NXPH2: variants seen among roughly 807,000 people sequenced by gnomAD.
NXPH2 encodes the protein neurexophilin-2.
Under a neutral mutation model 19.8 loss-of-function variants are expected in NXPH2, and 5 were observed. That is an observed-to-expected ratio of 0.25 (90% CI 0.13 to 0.53). The LOEUF is 0.53. Ranked by LOEUF, NXPH2 falls within the 20% of genes least tolerant of loss-of-function variation. The pLI, the probability that NXPH2 is intolerant of heterozygous loss-of-function variation, is 0.96. For synonymous variants in NXPH2, 154 were observed against 127.4 expected, an observed-to-expected ratio of 1.21 and a Z score of -1.41; for missense variants, 289 against 322.8, an observed-to-expected ratio of 0.90 and a Z score of 0.80.
intron 1 of NXPH2, among the ~76,000 whole-genome samples, chr2:138,676,743 G>A (rs1302038462): frequency 2.0e-5 from 3 of 152,158 alleles, no homozygotes; most frequent in South Asian, 2.1e-4. Context: ...CTCAAGAAGT[G>A]TCTCCAAAGG....
intron 1 of NXPH2, among the ~76,000 whole-genome samples, chr2:138,690,924 G>T (rs531345480): frequency 7.9e-5 from 12 of 152,336 alleles, no homozygotes; most frequent in Non-Finnish European, 1.2e-4. Flanking sequence ...GGACCCTTTA[G>T]ATTGGGTGGC....
chr2:138,683,884 A>G (rs6736048), intron 1 of NXPH2, among the ~76,000 whole-genome samples: 9,541 of 152,254 alleles, frequency 0.063, 603 homozygotes, highest in African/African-American at 0.16. Context: ...AAATGTAAAT[A>G]TTCACAGTGT....
At position 138,686,046 on chromosome 2, in the gene NXPH2, G is replaced by C. The variant is rs545184991; in HGVS notation, c.52-14381C>G. On this transcript the variant is annotated intron_variant, in intron 1 of 1. Coordinates refer to ENST00000272641, the MANE Select transcript of NXPH2 (RefSeq NM_007226.3). ...ATTGAAAAAATAAATCTGACTGGAA[G>C]TGTGTAACTGCCTGGACCTCTCACA... Among the ~76,000 whole-genome samples, 223 of 152,252 alleles carry C rather than the reference G, an allele frequency of 1.5e-3. 1 individual carries two copies. Among genetic ancestry groups the C allele is most frequent in the Admixed American group, 6.9e-3 (105 of 15,292 alleles).
chr2:138,777,928 T>A (rs1448215387), intron 1 of NXPH2, among the ~76,000 whole-genome samples: 1 of 150,834 alleles, frequency 6.6e-6, no homozygotes, highest in Non-Finnish European at 1.5e-5. Context: ...GTTTCATATC[T>A]AGAAAATATT....
At chr2:138,702,343 A>T (rs1680937229) in intron 1 of NXPH2, among the ~76,000 whole-genome samples, 1 of 151,564 alleles carries the variant, frequency 6.6e-6, no homozygotes, top group South Asian at 2.1e-4. Flanking sequence ...CTAGTCTTGA[A>T]CTCTTGGCCC....
chr2:138,759,411 A>G (rs1681966406), intron 1 of NXPH2, among the ~76,000 whole-genome samples: 1 of 151,908 alleles, frequency 6.6e-6, no homozygotes, highest in Non-Finnish European at 1.5e-5. Flanking sequence ...GCTTGGTCCA[A>G]GAGAGAGGTA....
intron 1 of NXPH2, among the ~76,000 whole-genome samples, chr2:138,772,447 C>T (rs962288180): frequency 3.3e-5 from 5 of 152,152 alleles, no homozygotes; most frequent in African/African-American, 1.2e-4. Flanking sequence ...CAGGCATGCG[C>T]CACCACGCCT....
intron 1 of NXPH2, among the ~76,000 whole-genome samples, chr2:138,734,563 T>C (rs920120456): frequency 2.0e-5 from 3 of 152,128 alleles, no homozygotes; most frequent in African/African-American, 4.8e-5. Context: ...GAATACCTCC[T>C]TGTAGAAGGA....
At chr2:138,706,830 G>A (rs551591755) in intron 1 of NXPH2, among the ~76,000 whole-genome samples, 1 of 151,848 alleles carries the variant, frequency 6.6e-6, no homozygotes, top group Non-Finnish European at 1.5e-5. Context: ...TTGAGCCCAG[G>A]TGGATGAGGC....
At chr2:138,703,771 G>T (rs1429604118) in intron 1 of NXPH2, among the ~76,000 whole-genome samples, 1 of 152,166 alleles carries the variant, frequency 6.6e-6, no homozygotes, top group Admixed American at 6.5e-5. Context: ...ATGTAATACA[G>T]TTATTACTAA....
chr2:138,705,602 C>A (rs1184155010), intron 1 of NXPH2, among the ~76,000 whole-genome samples: 2 of 152,136 alleles, frequency 1.3e-5, no homozygotes, highest in African/African-American at 2.4e-5. Context: ...ACTATCACTG[C>A]CAAGTTGGTC....
intron 1 of NXPH2, among the ~76,000 whole-genome samples, chr2:138,733,734 G>A (rs1333857216): frequency 6.6e-6 from 1 of 152,272 alleles, no homozygotes; most frequent in African/African-American, 2.4e-5. Context: ...GGAGGCTACT[G>A]TACCCATGGG....
intron 1 of NXPH2, among the ~76,000 whole-genome samples, chr2:138,745,396 G>C (rs750756445): frequency 3.1e-4 from 46 of 150,682 alleles, no homozygotes; most frequent in Non-Finnish European, 3.1e-4. Context: ...CTTTTTGCTA[G>C]TGACTATTAG....
At chr2:138,745,609 C>A (rs913158976) in intron 1 of NXPH2, among the ~76,000 whole-genome samples, 10 of 151,460 alleles carry the variant, frequency 6.6e-5, no homozygotes, top group African/African-American at 2.2e-4. Context: ...GAAAGAGCAT[C>A]AATAAGAGAA....
At chr2:138,757,709 T>C (rs193003674) in intron 1 of NXPH2, among the ~76,000 whole-genome samples, 1 of 152,192 alleles carries the variant, frequency 6.6e-6, no homozygotes, top group African/African-American at 2.4e-5. Context: ...ATAATAAATC[T>C]ATTTATGTGT....
chr2:138,703,704 AATAAAATGAAAC>A (rs1680966283), intron 1 of NXPH2, among the ~76,000 whole-genome samples: 2 of 152,250 alleles, frequency 1.3e-5, no homozygotes, highest in South Asian at 4.1e-4. Context: ...GAACTTGGCC[AATAAAATGAAAC>A]ATAACAACAG....
chr2:138,721,510 A>G (rs938429338), intron 1 of NXPH2, among the ~76,000 whole-genome samples: 2 of 152,128 alleles, frequency 1.3e-5, no homozygotes, highest in Non-Finnish European at 2.9e-5. Flanking sequence ...CATGTTTTAT[A>G]AAGACCCTCC....
intron 1 of NXPH2, among the ~76,000 whole-genome samples, chr2:138,772,422 A>C (rs1346335521): frequency 6.6e-6 from 1 of 152,124 alleles, no homozygotes; most frequent in Non-Finnish European, 1.5e-5. Context: ...TCAGCCTCCC[A>C]GGTAGCTGGG....
chr2:138,719,325 A>G lies in NXPH2; in HGVS notation c.52-47660T>C, dbSNP rs536578947. ...TCTTTATATGTCTGTGTGCATGTAT[A>G]TAAGTAAATGCACTTAAAAATATCC... On this transcript the variant is annotated intron_variant, in intron 1 of 1. Transcript: ENST00000272641. Among the ~76,000 whole-genome samples, 374 of 152,282 alleles carry G rather than the reference A, an allele frequency of 2.5e-3. 2 individuals are homozygous for G. The highest frequency in any genetic ancestry group is 4.6e-3 in the Non-Finnish European group (316 of 68,034).
Sources: allele counts gnomAD v4.1 joint callset (sites outside exome capture counted in the v4.1 genomes callset), GRCh38; gene constraint gnomAD v4.1.1; transcripts MANE v1.5; gene names NCBI Gene and HGNC (gene_info 2026-07-23, HGNC 2026-07-21).